ABCC9: variants seen among roughly 807,000 people sequenced by gnomAD.
The protein encoded by ABCC9 is ATP-binding cassette sub-family C member 9.
ABCC9 carries 95 observed loss-of-function variants against 188.3 expected under a neutral mutation model. The ratio of observed to expected loss-of-function variants is 0.50; its 90% CI spans 0.43 to 0.60. The LOEUF is 0.60. Ranked by LOEUF, ABCC9 falls within the 20% of genes least tolerant of loss-of-function variation. The pLI is 0.00. For synonymous variants in ABCC9, 659 were observed against 652.7 expected (o/e 1.01, Z -0.15); for missense variants, 1,102 against 1,876.3 (o/e 0.59, Z 7.62).
chr12:21,888,633 C>G (rs1028532183), intron 14 of ABCC9, among the ~76,000 whole-genome samples: 2 of 152,050 alleles, frequency 1.3e-5, no homozygotes, highest in East Asian at 1.9e-4. Context: ...TTATAAACAC[C>G]ATTTGAGAGG....
chr12:21,880,714 AAGC>A (rs1946578667), intron 16 of ABCC9, among the ~76,000 whole-genome samples: 1 of 152,086 alleles, frequency 6.6e-6, no homozygotes, highest in Non-Finnish European at 1.5e-5. Flanking sequence ...AAAAAATGAG[AAGC>A]ATTTTTTTGG....
intron 15 of ABCC9, among the ~76,000 whole-genome samples, chr12:21,887,412 T>C (rs1263255039): frequency 4.0e-5 from 6 of 151,838 alleles, no homozygotes; most frequent in Admixed American, 6.6e-5. Context: ...AACTGGAAAA[T>C]AAAAAGAGAC....
At chr12:21,861,624 G>A (rs1945511692) in intron 20 of ABCC9, among the ~76,000 whole-genome samples, 1 of 152,158 alleles carries the variant, frequency 6.6e-6, no homozygotes, top group Admixed American at 6.6e-5. Flanking sequence ...TATAGTGGAA[G>A]TGAGTATAAA....
chr12:21,871,701 A>G (rs991088761), intron 18 of ABCC9, among the ~76,000 whole-genome samples: 6 of 152,180 alleles, frequency 3.9e-5, no homozygotes, highest in East Asian at 3.9e-4. Flanking sequence ...ATCCCTTGGT[A>G]TGGGAGCTGT....
At chr12:21,880,702 C>A (rs759668604) in intron 16 of ABCC9, among the ~76,000 whole-genome samples, 1 of 151,922 alleles carries the variant, frequency 6.6e-6, no homozygotes, top group Non-Finnish European at 1.5e-5. Context: ...CAACACGTGG[C>A]AAAAAAATGA....
intron 31 of ABCC9, 25 bp from the exon 32 acceptor site, chr12:21,818,276 T>G (rs1565696220): frequency 1.3e-6 from 2 of 1,594,934 alleles, no homozygotes; most frequent in African/African-American, 2.7e-5. Flanking sequence ...GAGAAAATGT[T>G]AAAAGGTTAC....
Position 21,863,925 on chromosome 12 carries a change from A to G in ABCC9, c.2237+514T>C, listed in dbSNP as rs113679935. Among the ~76,000 whole-genome samples the G allele has an allele frequency of 6.5e-3, 986 of 152,258 alleles. 8 individuals carry two copies. The highest frequency in any genetic ancestry group is 0.022 in the African/African-American group (911 of 41,556). ...AGGAGTGTAGAAGACATGATACTAT[A>G]TAGTATGCTAGCAGTCTCTGAGATA... On this transcript the variant is annotated intron_variant, in intron 19 of 39. Coordinates refer to ENST00000261200, the MANE Select transcript of ABCC9 (RefSeq NM_020297.4).
At chr12:21,811,644 A>G (rs1273120030) in intron 36 of ABCC9, among the ~76,000 whole-genome samples, 1 of 152,076 alleles carries the variant, frequency 6.6e-6, no homozygotes, top group South Asian at 2.1e-4. Flanking sequence ...CTTTATTCAT[A>G]GCAATTTTGG....
At chr12:21,890,829 G>A (rs1419526961) in intron 14 of ABCC9, among the ~76,000 whole-genome samples, 1 of 151,832 alleles carries the variant, frequency 6.6e-6, no homozygotes, top group African/African-American at 2.4e-5. Context: ...GTGGGGTGGG[G>A]GGATGGGGGA....
chr12:21,897,092 T>G (rs1947466046), intron 12 of ABCC9, among the ~76,000 whole-genome samples: 1 of 152,214 alleles, frequency 6.6e-6, no homozygotes, highest in African/African-American at 2.4e-5. Context: ...TGTTGTTTCT[T>G]GACTTTTTAA....
intron 14 of ABCC9, among the ~76,000 whole-genome samples, chr12:21,889,952 ATTG>A (rs1565451608): frequency 6.6e-6 from 1 of 151,970 alleles, no homozygotes; most frequent in Non-Finnish European, 1.5e-5. Context: ...ATGTTTTGTC[ATTG>A]TTGTTGTTTG....
chr12:21,824,396 T>A (rs1392801465), intron 31 of ABCC9, among the ~76,000 whole-genome samples: 2 of 152,198 alleles, frequency 1.3e-5, no homozygotes, highest in Non-Finnish European at 2.9e-5. Flanking sequence ...AGTTTGCCAG[T>A]ATTTTATGGA....
intron 18 of ABCC9, among the ~76,000 whole-genome samples, chr12:21,871,744 G>A (rs1387130912): frequency 6.6e-6 from 1 of 152,094 alleles, no homozygotes; most frequent in African/African-American, 2.4e-5. Flanking sequence ...CAGCATCCCT[G>A]GCCTCTATCC....
chr12:21,905,388 A>T (rs1446441004), intron 12 of ABCC9, among the ~76,000 whole-genome samples: 2 of 151,934 alleles, frequency 1.3e-5, no homozygotes, highest in African/African-American at 2.4e-5. Flanking sequence ...CATTGTGCAC[A>T]TGTACCCTAG....
chr12:21,895,491 T>C (rs2137749109), intron 12 of ABCC9, among the ~76,000 whole-genome samples, 176 bp from the exon 13 acceptor site: 1 of 152,338 alleles, frequency 6.6e-6, no homozygotes. Context: ...TGTGTGCAGT[T>C]TTATGAGTTC....
intron 16 of ABCC9, among the ~76,000 whole-genome samples, chr12:21,880,834 A>G (rs1262728636): frequency 6.6e-6 from 1 of 152,150 alleles, no homozygotes; most frequent in Non-Finnish European, 1.5e-5. Context: ...TTGAGGATGC[A>G]CATACCGTAC....
At chr12:21,810,652 T>C (rs1239237722) in intron 36 of ABCC9, among the ~76,000 whole-genome samples, 4 of 152,068 alleles carry the variant, frequency 2.6e-5, no homozygotes, top group African/African-American at 9.7e-5. Flanking sequence ...ATGATTCAAT[T>C]ACCTCCTACT....
intron 12 of ABCC9, among the ~76,000 whole-genome samples, chr12:21,898,509 G>C (rs764677765): frequency 2.0e-5 from 3 of 152,058 alleles, no homozygotes; most frequent in Admixed American, 6.6e-5. Flanking sequence ...TCAAGCATTA[G>C]GGCTAGAATA....
At chr12:21,848,313 A>T in intron 24 of ABCC9, 67 bp from the exon 25 acceptor site, 2 of 1,360,632 alleles carry the variant, frequency 1.5e-6, no homozygotes, top group Non-Finnish European at 2.1e-6. Context: ...TCAATGAATG[A>T]CTCACACGTG....
Sources: allele counts gnomAD v4.1 joint callset (sites outside exome capture counted in the v4.1 genomes callset), GRCh38; gene constraint gnomAD v4.1.1; transcripts MANE v1.5; gene names NCBI Gene and HGNC (gene_info 2026-07-23, HGNC 2026-07-21).